Variants in LYPD8 observed in about 807,000 individuals in gnomAD.
LYPD8 encodes ly6/PLAUR domain-containing protein 8.
Under a neutral mutation model 1.7 loss-of-function variants are expected in LYPD8, and 8 were observed. The observed-to-expected ratio is 4.58, with a 90% CI of 2.69 to 8.27. The LOEUF is 8.27. Ranked by LOEUF, LYPD8 falls within the 30% of genes most tolerant of loss-of-function variation. The pLI is 0.00. For synonymous variants in LYPD8, 50 were observed against 43.6 expected (o/e 1.15, Z -0.58); for missense variants, 112 against 102.3 (o/e 1.09, Z -0.41).
At chr1:248,750,373 C>G (rs994949483) in intron 4 of LYPD8, among the ~76,000 whole-genome samples, 151 bp downstream of exon 4, 4 of 152,152 alleles carry the variant, frequency 2.6e-5, no homozygotes, top group Non-Finnish European at 5.9e-5. Context: ...CTCAGCCAAG[C>G]GTTGTTTCTC....
At chr1:248,753,140 CCACA>C (rs1662850825) in intron 2 of LYPD8, among the ~76,000 whole-genome samples, 1 of 114,564 alleles carries the variant, frequency 8.7e-6, no homozygotes, top group South Asian at 3.2e-4. Flanking sequence ...CACACACACC[CCACA>C]CACAAACACC....
chr1:248,745,052 G>C (rs1662706845), intron 6 of LYPD8, 90 bp downstream of exon 6: 1 of 396,084 alleles, frequency 2.5e-6, no homozygotes, highest in African/African-American at 2.1e-5. Context: ...GACTCCCCTG[G>C]TCCTTCTGTG....
rs373568881 is a variant in LYPD8 at position 248,742,845 on chromosome 1, C to T, written c.475+2297G>A. Among the ~76,000 whole-genome samples the T allele has an allele frequency of 1.2e-4, 11 of 91,984 alleles. No homozygotes were observed. The East Asian group carries it at 2.1e-3, about 17-fold the overall frequency. The allele number at this position is 91,984 out of a possible 152,430, so 60.3% of individuals were successfully genotyped here. ...TATGCTCTGGTGGGGATGTTGGCAG[C>T]GGGGGAGGTTACGCTCTGGTGGGGA... is the stretch of plus-strand genomic sequence containing the variant. On this transcript the variant is annotated intron_variant, in intron 6 of 6. Coordinates refer to ENST00000590317, the MANE Select transcript of LYPD8 (RefSeq NM_001085474.2).
chr1:248,753,111 C>A (rs1170080506), intron 2 of LYPD8, among the ~76,000 whole-genome samples: 43 of 99,106 alleles, frequency 4.3e-4, no homozygotes, highest in African/African-American at 1.3e-3. Flanking sequence ...ACACACCACA[C>A]ACAACACACA....
intron 4 of LYPD8, among the ~76,000 whole-genome samples, chr1:248,748,760 G>T (rs1662752684): frequency 6.6e-6 from 1 of 152,194 alleles, no homozygotes; most frequent in South Asian, 2.1e-4. Flanking sequence ...CTTAAGAGCT[G>T]TAAAAATGAT....
chr1:248,753,213 CACACCACACCA>C, intron 2 of LYPD8, among the ~76,000 whole-genome samples: 8 of 113,138 alleles, frequency 7.1e-5, no homozygotes, highest in African/African-American at 2.5e-4. Flanking sequence ...ACACAACACA[CACACCACACCA>C]CACACACACA....
rs532986546 is a variant in LYPD8, at chr1:248,744,726, G to A, written c.475+416C>T. On this transcript the variant is annotated intron_variant, in intron 6 of 6. Coordinates refer to ENST00000590317, the MANE Select transcript of LYPD8 (RefSeq NM_001085474.2). ...GGCCCAATTTGACTCTTTCTGCCAG[G>A]TGATCCAAGCTACCAAAAGCCAACA... Among the ~76,000 whole-genome samples, 6 of 152,340 alleles carry A rather than the reference G, an allele frequency of 3.9e-5. No individual in the cohort carries two copies. The East Asian group carries it at 1.2e-3, about 29-fold the overall frequency.
intron 6 of LYPD8, among the ~76,000 whole-genome samples, chr1:248,742,534 G>T (rs1662626292): frequency 1.1e-5 from 1 of 95,116 alleles, no homozygotes; most frequent in Non-Finnish European, 2.0e-5. Context: ...TGGCAGCGGG[G>T]AGATTATGCT....
chr1:248,752,361 C>A (rs1662813063), intron 2 of LYPD8, among the ~76,000 whole-genome samples: 1 of 151,896 alleles, frequency 6.6e-6, no homozygotes, highest in African/African-American at 2.4e-5. Context: ...GCTCCTAAGG[C>A]CAAAGCCAGT....
chr1:248,745,375 G>C (rs1285050211), intron 5 of LYPD8, 96 bp from the exon 6 acceptor site: 2 of 395,738 alleles, frequency 5.1e-6, no homozygotes, highest in African/African-American at 4.1e-5. Context: ...AGAGATCGGA[G>C]AACGGAGCAA....
chr1:248,744,325 G>C (rs959351137), intron 6 of LYPD8, among the ~76,000 whole-genome samples: 2 of 152,256 alleles, frequency 1.3e-5, no homozygotes, highest in Non-Finnish European at 2.9e-5. Context: ...AGGTGAAAAA[G>C]GAAGAGCCAG....
chr1:248,739,963 T>TCACC lies in LYPD8; in HGVS notation c.476-115_476-114insGGTG. 7.2e-7 allele frequency: 1 copy of TCACC among 1,395,198 alleles called. No homozygotes were observed. Among genetic ancestry groups the TCACC allele is most frequent in the South Asian group, 1.3e-5 (1 of 74,386 alleles). 86.4% of individuals were successfully genotyped at this position (1,395,198 alleles called of 1,614,324 possible). On this transcript the variant is annotated intron_variant, in intron 6 of 6. Coordinates refer to ENST00000590317, the MANE Select transcript of LYPD8 (RefSeq NM_001085474.2). This position sits in a 1 kb window ranked among gnomAD's most constrained non-coding sequence, Gnocchi z 4.3. Reference sequence around the variant, plus strand: ...TGGCCCGGTGACCAGCAAGAGCTGGTGTGCTCCTGAAGCCCAGGCAGGAAG... The same window carrying TCACC: ...TGGCCCGGTGACCAGCAAGAGCTGGTCACCGTGCTCCTGAAGCCCAGGCAGGAAG...
intron 6 of LYPD8, among the ~76,000 whole-genome samples, chr1:248,743,816 T>C (rs369540086): frequency 5.1e-4 from 78 of 152,246 alleles, no homozygotes; most frequent in African/African-American, 1.7e-3. Flanking sequence ...GCTGGCAAGA[T>C]GCAAAGGATA....
chr1:248,750,427 A>AC, intron 4 of LYPD8, 97 bp downstream of exon 4: 1 of 396,608 alleles, frequency 2.5e-6, no homozygotes, highest in Non-Finnish European at 4.4e-6. Context: ...GGACAGCACG[A>AC]CCCCTTCTCT....
Position 248,748,344 on chromosome 1 carries a change from A to C in LYPD8, c.282T>G (p.His94Gln). ...TTCCTTGGCAGCACTGGCTTACAAA[A>C]TGAAAGTGTTCTTCAGCAGACACGT... ...TVHVSAEEHF[H>Q]FVSQCCQGKE... Residue 94 changes from histidine (H) to glutamine (Q), a missense_variant, in exon 5 of 7, where the codon CAT becomes CAG. His to Gln is a conservative substitution (Grantham distance 24). Transcript: ENST00000590317. 1 of 465,432 alleles carries C rather than the reference A, an allele frequency of 2.1e-6. No individual in the cohort carries two copies. Among genetic ancestry groups the C allele is most frequent in the Non-Finnish European group, 3.7e-6 (1 of 266,814 alleles). The allele number at this position is 465,432 out of a possible 1,614,324, so 28.8% of individuals were successfully genotyped here.
chr1:248,748,257 C>T, intron 5 of LYPD8, 32 bp downstream of exon 5: 2 of 410,052 alleles, frequency 4.9e-6, no homozygotes, highest in Non-Finnish European at 4.3e-6. Flanking sequence ...CCAGCACCCA[C>T]CCAGGGCATC....
At chr1:248,753,176 TCACA>T (rs1331782171) in intron 2 of LYPD8, among the ~76,000 whole-genome samples, 5 of 26,332 alleles carry the variant, frequency 1.9e-4, no homozygotes, top group Non-Finnish European at 2.9e-4. Context: ...ACACACCACA[TCACA>T]CACACACACC....
At chr1:248,752,823 TCACACACACCACACCC>T (rs1662833851) in intron 2 of LYPD8, among the ~76,000 whole-genome samples, 1 of 22,674 alleles carries the variant, frequency 4.4e-5, no homozygotes, top group Non-Finnish European at 7.5e-5. Flanking sequence ...ACACATCACA[TCACACACACCACACCC>T]CACACACACA....
At chr1:248,753,019 ACCACACACCCCACACACCACAC>A in intron 2 of LYPD8, among the ~76,000 whole-genome samples, 1 of 96,658 alleles carries the variant, frequency 1.0e-5, no homozygotes, top group Admixed American at 1.1e-4. Context: ...TCATACACAC[ACCACACACCCCACACACCACAC>A]ACACATCACA....
Sources: allele counts gnomAD v4.1 joint callset (sites outside exome capture counted in the v4.1 genomes callset), GRCh38; gene constraint gnomAD v4.1.1; non-coding constraint Gnocchi (gnomAD v3.1); transcripts MANE v1.5; gene names NCBI Gene and HGNC (gene_info 2026-07-23, HGNC 2026-07-21).